Variants in CDH12 observed in about 807,000 individuals in gnomAD.
CDH12 encodes the protein cadherin-12.
In CDH12, 41 loss-of-function variants were observed where a neutral mutation model predicts 74.1. The ratio of observed to expected loss-of-function variants is 0.55; its 90% CI spans 0.43 to 0.72. CDH12 has a LOEUF of 0.72. Ranked by LOEUF, CDH12 falls within the 30% of genes least tolerant of loss-of-function variation. CDH12 has a pLI of 0.00. For synonymous variants in CDH12, 399 were observed against 355.0 expected (o/e 1.12, Z -1.39); for missense variants, 945 against 977.2 (o/e 0.97, Z 0.44).
chr5:22,072,238 C>A (rs1741992077), intron 5 of CDH12, among the ~76,000 whole-genome samples: 1 of 152,038 alleles, frequency 6.6e-6, no homozygotes, highest in South Asian at 2.1e-4. Flanking sequence ...TGCTACTCAT[C>A]TGGGTATGAG....
At chr5:21,768,659 C>G (rs1164018285) in intron 11 of CDH12, among the ~76,000 whole-genome samples, 1 of 151,960 alleles carries the variant, frequency 6.6e-6, no homozygotes, top group African/African-American at 2.4e-5. Context: ...TGAAAAATCT[C>G]CTCATCAAGT....
At chr5:22,225,099 C>A (rs1752149475) in intron 3 of CDH12, among the ~76,000 whole-genome samples, 3 of 151,884 alleles carry the variant, frequency 2.0e-5, no homozygotes, top group African/African-American at 7.3e-5. Context: ...CAAAAATCGA[C>A]CAAAGCCACT....
At chr5:22,535,321 AT>A (rs755568322) in intron 1 of CDH12, among the ~76,000 whole-genome samples, 2 of 150,978 alleles carry the variant, frequency 1.3e-5, no homozygotes, top group African/African-American at 2.4e-5. Context: ...CGCCCGGCTA[AT>A]TTTTTTTGTA....
chr5:22,700,436 G>T (rs1199016843), intron 1 of CDH12, among the ~76,000 whole-genome samples: 1 of 152,086 alleles, frequency 6.6e-6, no homozygotes, highest in Non-Finnish European at 1.5e-5. Context: ...ATAGTCCCAG[G>T]TCAAATAAGG....
In CDH12 at chr5:22,179,148, G is replaced by A. The variant is rs1258774938; in HGVS notation, c.-187+33350C>T. On this transcript the variant is annotated intron_variant, in intron 4 of 14. Transcript: ENST00000382254. ...AATAAATAGCAGTGAGGAGACTCCT[G>A]GTAAACATAGCATTTCAAACTTATG... is the stretch of plus-strand genomic sequence containing the variant. Among the ~76,000 whole-genome samples, 4 of 152,148 alleles carry A rather than the reference G, an allele frequency of 2.6e-5. No homozygotes were observed. In the East Asian group the frequency reaches 7.7e-4, roughly 29 times the overall value.
rs190806557 is a variant in CDH12 at position 22,369,523 on chromosome 5, T to C, written c.-333+35734A>G. ...ATACAAAGAGAAAAAAATCAATTCATGCCTTTAAGATTTCACATTTTAAAG... is the reference window on the plus strand; with the variant it reads ...ATACAAAGAGAAAAAAATCAATTCACGCCTTTAAGATTTCACATTTTAAAG... On this transcript the variant is annotated intron_variant, in intron 3 of 14. Transcript: ENST00000382254. Among the ~76,000 whole-genome samples the C allele has an allele frequency of 1.8e-3, 274 of 152,320 alleles. 2 individuals are homozygous for C. The highest frequency in any genetic ancestry group is 2.9e-3 in the Non-Finnish European group (195 of 68,022).
At chr5:22,380,443 T>C (rs919442549) in intron 3 of CDH12, among the ~76,000 whole-genome samples, 3 of 152,132 alleles carry the variant, frequency 2.0e-5, no homozygotes, top group African/African-American at 7.2e-5. Flanking sequence ...AACATATGTG[T>C]AATAGGATTT....
At chr5:22,750,462 A>C (rs1346769105) in intron 1 of CDH12, among the ~76,000 whole-genome samples, 1 of 152,174 alleles carries the variant, frequency 6.6e-6, no homozygotes, top group Non-Finnish European at 1.5e-5. Flanking sequence ...GCAGTAGTCC[A>C]AGTAGGAGGA....
chr5:22,418,546 A>C (rs549101235), intron 2 of CDH12, among the ~76,000 whole-genome samples: 4 of 152,264 alleles, frequency 2.6e-5, no homozygotes, highest in South Asian at 4.1e-4. Context: ...GAATGCTTCC[A>C]ATTTTTGCCC....
At chr5:22,494,164 A>C (rs1561446740) in intron 2 of CDH12, among the ~76,000 whole-genome samples, 1 of 152,232 alleles carries the variant, frequency 6.6e-6, no homozygotes, top group African/African-American at 2.4e-5. Flanking sequence ...TGTTGATGAG[A>C]CTAAAAAATG....
intron 6 of CDH12, among the ~76,000 whole-genome samples, chr5:21,926,072 G>A (rs1195745603): frequency 6.6e-6 from 1 of 151,946 alleles, no homozygotes; most frequent in Non-Finnish European, 1.5e-5. Flanking sequence ...TCACTTGAAA[G>A]TTCAGATTGA....
intron 5 of CDH12, among the ~76,000 whole-genome samples, chr5:22,026,456 C>G (rs984812486): frequency 4.6e-5 from 7 of 152,082 alleles, no homozygotes; most frequent in African/African-American, 1.7e-4. Context: ...ATGAGTAAAC[C>G]TCCCATTCCC....
chr5:22,130,071 G>T (rs1746099687), intron 4 of CDH12, among the ~76,000 whole-genome samples: 2 of 150,874 alleles, frequency 1.3e-5, no homozygotes, highest in African/African-American at 4.9e-5. Context: ...GTTTATGGTA[G>T]GAAATTGAGA....
At chr5:22,524,315 T>G (rs1475235184) in intron 1 of CDH12, among the ~76,000 whole-genome samples, 1 of 152,144 alleles carries the variant, frequency 6.6e-6, no homozygotes, top group Non-Finnish European at 1.5e-5. Context: ...ATTTAAAAAT[T>G]TTTCTGTCCT....
chr5:22,820,489 C>T (rs1018360274), intron 1 of CDH12, among the ~76,000 whole-genome samples: 8 of 151,544 alleles, frequency 5.3e-5, no homozygotes, highest in African/African-American at 1.9e-4. Flanking sequence ...AGACCGCTAG[C>T]AAGACTAATA....
chr5:22,847,163 A>T (rs1457014348), intron 1 of CDH12, among the ~76,000 whole-genome samples: 1 of 152,128 alleles, frequency 6.6e-6, no homozygotes, highest in Non-Finnish European at 1.5e-5. Context: ...TAGATTTCTC[A>T]CTATAAGACA....
rs1256842860 is a variant in CDH12 at position 22,269,695 on chromosome 5, AC to A, written c.-332-57053del. Among the ~76,000 whole-genome samples, 4 of 152,148 alleles carry A rather than the reference AC, an allele frequency of 2.6e-5. No homozygotes were observed. The East Asian group carries it at 7.7e-4, about 29-fold the overall frequency. Reference sequence around the variant, plus strand: ...CTCCAGATAAGAGTCCCCATCCTTCACCTGAAATGACTTTCTGCTTACAGAA... The same window carrying A: ...CTCCAGATAAGAGTCCCCATCCTTCACTGAAATGACTTTCTGCTTACAGAA... On this transcript the variant is annotated intron_variant, in intron 3 of 14. Transcript: ENST00000382254.
At chr5:21,881,051 C>T (rs1752329855) in intron 6 of CDH12, among the ~76,000 whole-genome samples, 3 of 152,036 alleles carry the variant, frequency 2.0e-5, no homozygotes, top group Middle Eastern at 3.4e-3. Context: ...TATTTATAAG[C>T]CATCTATTAA....
In CDH12 at chr5:22,650,651, C is replaced by G. The variant is rs557769043; in HGVS notation, c.-522-145287G>C. On this transcript the variant is annotated intron_variant, in intron 1 of 14. Transcript: ENST00000382254. The stretch of plus-strand genomic sequence containing the variant: ...ACTGTGTCTACCACGGTGGTTTGAG[C>G]CTGTTAACCCCTTTCATCTTGTGCA... 3.3e-5 allele frequency among the ~76,000 whole-genome samples: 5 copies of G among 152,098 alleles called. No individual in the cohort carries two copies. In the South Asian group the frequency reaches 1.0e-3, roughly 32 times the overall value.
Sources: gnomAD v4.1 joint callset for allele counts (sites outside exome capture counted in the v4.1 genomes callset) on GRCh38, gnomAD v4.1.1 for gene constraint, MANE v1.5 for transcripts, NCBI Gene and HGNC (gene_info 2026-07-23, HGNC 2026-07-21) for gene names.